Variants in VASH1 observed in about 807,000 individuals in gnomAD.
The protein encoded by VASH1 is vasohibin 1, also known as tubulinyl-Tyr carboxypeptidase 1.
A neutral mutation model predicts 35.0 loss-of-function variants in VASH1; 16 were observed. That is an observed-to-expected ratio of 0.46 (90% CI 0.31 to 0.70). The LOEUF is 0.70. Ranked by LOEUF, VASH1 falls within the 30% of genes least tolerant of loss-of-function variation. The pLI is 0.05. For synonymous variants in VASH1, 214 were observed against 200.9 expected (o/e 1.07, Z -0.55); for missense variants, 505 against 510.7 (o/e 0.99, Z 0.11).
chr14:76,777,177 G>T (rs1450888491), intron 5 of VASH1, among the ~76,000 whole-genome samples: 1 of 152,196 alleles, frequency 6.6e-6, no homozygotes, highest in Non-Finnish European at 1.5e-5. Context: ...GCCAGCCCTA[G>T]GCCAAGATCT....
In VASH1 at chr14:76,764,920, G is replaced by A. The variant is rs1595266951; in HGVS notation, c.309+1790G>A. 3.3e-5 allele frequency among the ~76,000 whole-genome samples: 5 copies of A among 152,204 alleles called. No individual in the cohort carries two copies. In the South Asian group the frequency reaches 8.3e-4, roughly 25 times the overall value. ...TTGGCCAGGCTGGTCTCAAACTCCAGACCTCAGGTAATCCACCCACCTCAG... is the reference window on the plus strand; with the variant it reads ...TTGGCCAGGCTGGTCTCAAACTCCAAACCTCAGGTAATCCACCCACCTCAG... On this transcript the variant is annotated intron_variant, in intron 1 of 6. Transcript: ENST00000167106.
intron 1 of VASH1, among the ~76,000 whole-genome samples, chr14:76,765,267 G>C (rs891076874): frequency 4.6e-5 from 7 of 152,162 alleles, no homozygotes; most frequent in African/African-American, 1.4e-4. Context: ...CTCATGTACA[G>C]GAAAGACACG....
chr14:76,765,478 G>T (rs912210928), intron 1 of VASH1, among the ~76,000 whole-genome samples: 4 of 152,184 alleles, frequency 2.6e-5, no homozygotes, highest in African/African-American at 7.2e-5. Context: ...CTTAGAGTCT[G>T]GGAGTGCAGT....
intron 1 of VASH1, among the ~76,000 whole-genome samples, chr14:76,767,977 A>AGTCCT (rs1893688005): frequency 6.6e-6 from 1 of 152,172 alleles, no homozygotes; most frequent in African/African-American, 2.4e-5. Flanking sequence ...CTGGGACTGC[A>AGTCCT]GCTCCCTTTT....
chr14:76,778,840 G>A, intron 6 of VASH1, 106 bp from the exon 7 acceptor site: 2 of 1,111,886 alleles, frequency 1.8e-6, no homozygotes, highest in Non-Finnish European at 2.8e-6. Context: ...AGGGCCACTT[G>A]GAGAATGTGG....
intron 5 of VASH1, 82 bp downstream of exon 5, chr14:76,776,355 T>G: frequency 1.4e-6 from 2 of 1,446,718 alleles, no homozygotes; most frequent in East Asian, 2.5e-5. Flanking sequence ...TTGAGAGGAC[T>G]GGGGAGCTTC....
intron 2 of VASH1, among the ~76,000 whole-genome samples, chr14:76,770,801 G>A (rs1893774286): frequency 6.6e-6 from 1 of 152,234 alleles, no homozygotes; most frequent in East Asian, 1.9e-4. Flanking sequence ...AACTGGTCCA[G>A]TGAGGCAGGT....
rs1348450427 is a variant in VASH1, at chr14:76,777,989, A to C, written c.943A>C (p.Thr315Pro). The change falls in exon 6 of 7, where the codon ACC becomes CCC. Residue 315 changes from threonine (T) to proline (P), a missense_variant. Thr to Pro is a conservative substitution (Grantham distance 38). Transcript: ENST00000167106. ...CAAAGGGACGGGCCCTCCCTCTCCC[A>C]CCAAGGACCGGAAGAAGGATGTTTC... ...IGKGTGPPSP[T>P]KDRKKDVSSP... 6.5e-7 allele frequency: 1 copy of C among 1,544,938 alleles called. No individual in the cohort carries two copies. Among genetic ancestry groups the C allele is most frequent in the Non-Finnish European group, 8.7e-7 (1 of 1,146,634 alleles).
chr14:76,765,828 T>C (rs918073273), intron 1 of VASH1, among the ~76,000 whole-genome samples: 2 of 152,104 alleles, frequency 1.3e-5, no homozygotes, highest in Non-Finnish European at 2.9e-5. Flanking sequence ...TCTCCACCAC[T>C]CACCTACCAG....
chr14:76,772,507 C>T (rs1364375835), intron 3 of VASH1, among the ~76,000 whole-genome samples: 1 of 152,160 alleles, frequency 6.6e-6, no homozygotes, highest in African/African-American at 2.4e-5. Flanking sequence ...TGGGCAAAGC[C>T]AGTGACCAGG....
At chr14:76,770,085 C>G in intron 2 of VASH1, 34 bp downstream of exon 2, 1 of 1,589,672 alleles carries the variant, frequency 6.3e-7, no homozygotes, top group South Asian at 1.1e-5. Flanking sequence ...TGGCCACCTT[C>G]TGGCCGGTGT....
At chr14:76,777,937 T>A (rs1893988360) in intron 5 of VASH1, 22 bp from the exon 6 acceptor site, 1 of 1,464,050 alleles carries the variant, frequency 6.8e-7, no homozygotes, top group Non-Finnish European at 9.0e-7. Flanking sequence ...AGTGATGCTG[T>A]TGCTTCCTCC....
At chr14:76,766,749 CTCCTCTAAAAGGGTAA>C (rs1893652958) in intron 1 of VASH1, among the ~76,000 whole-genome samples, 1 of 152,190 alleles carries the variant, frequency 6.6e-6, no homozygotes, top group Admixed American at 6.5e-5. Context: ...GCCTGGACAT[CTCCTCTAAAAGGGTAA>C]CGTTGCTGGG....
intron 5 of VASH1, among the ~76,000 whole-genome samples, 154 bp downstream of exon 5, chr14:76,776,427 G>A (rs1463949828): frequency 1.3e-5 from 2 of 152,198 alleles, no homozygotes; most frequent in African/African-American, 4.8e-5. Context: ...GGTCCCCTGG[G>A]GTGGGCAGAC....
rs1167122546 is a variant in VASH1 at position 76,761,546 on chromosome 14, G to A, written c.-1276G>A. Among the ~76,000 whole-genome samples, 1 of 152,050 alleles carries A rather than the reference G, an allele frequency of 6.6e-6. No individual in the cohort carries two copies. Among genetic ancestry groups the A allele is most frequent in the African/African-American group, 2.4e-5 (1 of 41,432 alleles). On this transcript the variant is annotated 5_prime_UTR_variant, in exon 1 of 7. Transcript: ENST00000167106. The stretch of plus-strand genomic sequence containing the variant: ...GGCAGCGGGGCCCAGGGGCGGCGGG[G>A]CTGCAGCAGCGGCGGCCCCAGCTTC...
intron 5 of VASH1, among the ~76,000 whole-genome samples, chr14:76,777,053 C>CCACTG (rs565221411): frequency 1.6e-3 from 251 of 152,334 alleles, no homozygotes; most frequent in African/African-American, 5.9e-3. Context: ...CAGTGAGAGG[C>CCACTG]AGATCAGACT....
At position 76,769,448 on chromosome 14, in the gene VASH1, A is replaced by T. The variant is rs184647906; in HGVS notation, c.310-515A>T. The T allele has an allele frequency of 4.1e-5, 53 of 1,289,150 alleles. No individual in the cohort carries two copies. In the African/African-American group the frequency reaches 7.4e-4, roughly 18 times the overall value. The allele number at this position is 1,289,150 out of a possible 1,614,324, so 79.9% of individuals were successfully genotyped here. ...AGTTCAAGTTGGTGCTCTGGAAGGCATGGCGAATATGCCCATGATACTGGG... is the reference window on the plus strand; with the variant it reads ...AGTTCAAGTTGGTGCTCTGGAAGGCTTGGCGAATATGCCCATGATACTGGG... On this transcript the variant is annotated intron_variant, in intron 1 of 6. Coordinates refer to ENST00000167106, the MANE Select transcript of VASH1 (RefSeq NM_014909.5).
intron 4 of VASH1, 72 bp downstream of exon 4, chr14:76,773,283 G>C: frequency 6.6e-7 from 1 of 1,517,952 alleles, no homozygotes; most frequent in Non-Finnish European, 9.1e-7. Flanking sequence ...GAAAGTGAGG[G>C]TGGGGTAGGT....
intron 4 of VASH1, 147 bp downstream of exon 4, chr14:76,773,358 C>A: frequency 1.3e-6 from 1 of 774,742 alleles, no homozygotes; most frequent in Non-Finnish European, 2.0e-6. Context: ...AGAAGCACCC[C>A]ACTAAAGTGG....
Sources: gnomAD v4.1 joint callset for allele counts (sites outside exome capture counted in the v4.1 genomes callset) on GRCh38, gnomAD v4.1.1 for gene constraint, MANE v1.5 for transcripts, NCBI Gene and HGNC (gene_info 2026-07-23, HGNC 2026-07-21) for gene names.